Variants in DMD observed in about 807,000 individuals in gnomAD.
DMD encodes mutant dystrophin.
In DMD, 63 loss-of-function variants were observed where a neutral mutation model predicts 330.1. The observed-to-expected ratio is 0.19, with a 90% CI of 0.16 to 0.24. The LOEUF (loss-of-function observed/expected upper bound fraction) is 0.24. Ranked by LOEUF, DMD falls within the 10% of genes least tolerant of loss-of-function variation. The pLI is 1.00. For synonymous variants in DMD, 1,223 were observed against 959.8 expected (o/e 1.27, Z -5.07); for missense variants, 3,344 against 2,684.1 (o/e 1.25, Z -5.43).
intron 60 of DMD, among the ~76,000 whole-genome samples, chrX:31,429,454 G>T: frequency 9.0e-6 from 1 of 111,694 alleles, no homozygotes; most frequent in Middle Eastern, 4.6e-3. Context: ...GCCAACAGCT[G>T]GGGGCTAGCC....
At chrX:32,236,500 T>C (rs1049953788) in intron 43 of DMD, among the ~76,000 whole-genome samples, 1 of 112,138 alleles carries the variant, frequency 8.9e-6, no homozygotes, top group Non-Finnish European at 1.9e-5. Context: ...AATCTCATCT[T>C]GAATTCCTAC....
At chrX:32,233,210 G>A (rs182851292) in intron 43 of DMD, among the ~76,000 whole-genome samples, 2 of 111,879 alleles carry the variant, frequency 1.8e-5, no homozygotes, top group Non-Finnish European at 3.8e-5. Context: ...TGCTGTACTT[G>A]CTCCATGCAC....
chrX:32,633,206 G>C (rs781420221), intron 11 of DMD, among the ~76,000 whole-genome samples: 1 of 111,471 alleles, frequency 9.0e-6, no homozygotes, highest in African/African-American at 3.3e-5. Flanking sequence ...GCCACACAAC[G>C]TCTTGAACAT....
chrX:31,452,131 A>G (rs1184127398), intron 59 of DMD, among the ~76,000 whole-genome samples: 2 of 108,753 alleles, frequency 1.8e-5, no homozygotes, highest in African/African-American at 6.9e-5. Context: ...GTTTGTAGGC[A>G]TGAAGAAATT....
chrX:32,997,493 C>T (rs768742916), intron 2 of DMD, among the ~76,000 whole-genome samples: 22 of 112,092 alleles, frequency 2.0e-4, no homozygotes, highest in African/African-American at 6.8e-4. Flanking sequence ...ATCTGCCTGC[C>T]TCAGCCTCCC....
chrX:31,397,503 T>G (rs1263981078), intron 60 of DMD, among the ~76,000 whole-genome samples: 1 of 112,352 alleles, frequency 8.9e-6, no homozygotes, highest in Non-Finnish European at 1.9e-5. Context: ...TTCGTGGACT[T>G]TACGGATGGT....
rs1032199592 is a variant in DMD at position 31,728,267 on chromosome X, C to T, written c.7660+1364G>A. ...GTCTCGATCTCCTGACCTCGTGATC[C>T]GCCCGCCTCGGCCTCCCCAAGTGCT... On this transcript the variant is annotated intron_variant, in intron 52 of 78. Coordinates refer to ENST00000357033, the MANE Select transcript of DMD (RefSeq NM_004006.3). 1.1e-3 allele frequency among the ~76,000 whole-genome samples: 120 copies of T among 112,017 alleles called. 2 individuals are homozygous for T. The highest frequency in any genetic ancestry group is 3.8e-3 in the African/African-American group (117 of 30,876).
chrX:31,638,528 A>G (rs1033806346), intron 54 of DMD, among the ~76,000 whole-genome samples: 7 of 112,592 alleles, frequency 6.2e-5, no homozygotes, highest in African/African-American at 2.3e-4. Flanking sequence ...TTTATCTTGC[A>G]TCTAGCCAGT....
rs145850756 is a variant in DMD, at chrX:31,655,135, A to G, written c.8027+2855T>C. On this transcript the variant is annotated intron_variant, in intron 54 of 78. Transcript: ENST00000357033. ...GGTTGCAATTTTTTGAATTTTTGCA[A>G]TCAGACCTTGGTGAGGACCTTGAAC... Among the ~76,000 whole-genome samples the G allele has an allele frequency of 1.1e-3, 123 of 111,727 alleles. 1 individual carries two copies. Among genetic ancestry groups the G allele is most frequent in the Admixed American group, 2.2e-3 (23 of 10,500 alleles).
chrX:32,804,133 C>G (rs1033465680), intron 7 of DMD, among the ~76,000 whole-genome samples: 1 of 111,511 alleles, frequency 9.0e-6, no homozygotes, highest in African/African-American at 3.3e-5. Flanking sequence ...CAGAACCGTT[C>G]ACTCCCCTGG....
In DMD at chrX:33,262,491, G is replaced by A. The variant is rs927525675; in HGVS notation, c.7+76768C>T. Among the ~76,000 whole-genome samples the A allele has an allele frequency of 3.6e-5, 4 of 110,790 alleles. No homozygotes were observed. In the Admixed American group the frequency reaches 3.9e-4, roughly 11 times the overall value. ...AAAGTTTTGAAGAAAAACAAGTTAG[G>A]GTGTCTGGCCCTACCACATGTCAGG... On this transcript the variant is annotated intron_variant, in intron 1 of 17. Transcript: ENST00000288447.
chrX:31,420,892 C>T (rs775463385), intron 60 of DMD, among the ~76,000 whole-genome samples: 1 of 112,387 alleles, frequency 8.9e-6, no homozygotes, highest in East Asian at 2.8e-4. Flanking sequence ...TACAAGAGTC[C>T]TGTCTGGCTG....
intron 55 of DMD, among the ~76,000 whole-genome samples, chrX:31,556,280 T>C: frequency 9.8e-6 from 1 of 101,875 alleles, no homozygotes; most frequent in Non-Finnish European, 2.0e-5. Context: ...GGCAGGAGAA[T>C]GGCGTGAACC....
intron 60 of DMD, among the ~76,000 whole-genome samples, chrX:31,380,507 G>A (rs985559089): frequency 9.0e-6 from 1 of 110,708 alleles, no homozygotes; most frequent in Non-Finnish European, 1.9e-5. Flanking sequence ...CCCACAGCAC[G>A]CTTTAAAAGG....
At chrX:33,237,789 T>G (rs929228484) in intron 1 of DMD, among the ~76,000 whole-genome samples, 1 of 112,411 alleles carries the variant, frequency 8.9e-6, no homozygotes, top group African/African-American at 3.2e-5. Context: ...GATTTTGATA[T>G]ATCTTGTACT....
chrX:31,408,278 C>T (rs756874067), intron 60 of DMD, among the ~76,000 whole-genome samples: 2 of 112,607 alleles, frequency 1.8e-5, no homozygotes, highest in South Asian at 3.7e-4. Flanking sequence ...ATGTTATCCA[C>T]TTAGTAACCA....
chrX:31,920,744 A>T lies in DMD; in HGVS notation c.6912+8852T>A, dbSNP rs141038857. On this transcript the variant is annotated intron_variant, in intron 47 of 78. Transcript: ENST00000357033. ...CATTTTAAATCCATCATGAACGGGG[A>T]GGAGAGATTGCTAAGAATAGTCGAA... 1.4e-3 allele frequency among the ~76,000 whole-genome samples: 161 copies of T among 111,717 alleles called. 4 individuals carry two copies. In the East Asian group the frequency reaches 0.038, roughly 27 times the overall value.
intron 52 of DMD, among the ~76,000 whole-genome samples, chrX:31,690,642 C>T (rs949562650): frequency 8.9e-6 from 1 of 112,084 alleles, no homozygotes; most frequent in African/African-American, 3.3e-5. Flanking sequence ...GATTATAAAT[C>T]CTGCTGCTGT....
At chrX:31,166,958 C>G (rs907510919) in intron 74 of DMD, among the ~76,000 whole-genome samples, 2 of 111,641 alleles carry the variant, frequency 1.8e-5, no homozygotes, top group African/African-American at 6.5e-5. Flanking sequence ...AGAGAACAAA[C>G]CATCCCATTC....
Sources: allele counts gnomAD v4.1 joint callset (sites outside exome capture counted in the v4.1 genomes callset), GRCh38; gene constraint gnomAD v4.1.1; transcripts MANE v1.5; gene names NCBI Gene and HGNC (gene_info 2026-07-23, HGNC 2026-07-21).